The following IL1RAPL2 variants were observed in gnomAD, a reference collection of about 807,000 sequenced individuals.
The protein encoded by IL1RAPL2 is X-linked interleukin-1 receptor accessory protein-like 2.
Under a neutral mutation model 44.1 loss-of-function variants are expected in IL1RAPL2, and 3 were observed. The ratio of observed to expected loss-of-function variants is 0.07; its 90% CI spans 0.03 to 0.18. The LOEUF is 0.18. Among genes scored for constraint, IL1RAPL2 ranks in the 10% least tolerant of loss-of-function variants. IL1RAPL2 has a pLI of 1.00. For missense variants in IL1RAPL2, 391 were observed against 496.4 expected (o/e 0.79, Z 2.02); for synonymous variants, 181 against 178.8 (o/e 1.01, Z -0.10).
At chrX:105,343,880 C>CTTTTTTTTT (rs755496552) in intron 5 of IL1RAPL2, among the ~76,000 whole-genome samples, 3 of 100,440 alleles carry the variant, frequency 3.0e-5, no homozygotes, top group African/African-American at 7.3e-5. Flanking sequence ...TCAAAGTTTT[C>CTTTTTTTTT]TTTTTTTTTT....
At chrX:104,679,091 A>C (rs1930845159) in intron 2 of IL1RAPL2, among the ~76,000 whole-genome samples, 1 of 111,993 alleles carries the variant, frequency 8.9e-6, no homozygotes, top group South Asian at 3.8e-4. Context: ...AATGTCATAA[A>C]AATGTAAACT....
At chrX:105,456,743 T>G (rs1480951703) in intron 5 of IL1RAPL2, among the ~76,000 whole-genome samples, 2 of 111,301 alleles carry the variant, frequency 1.8e-5, no homozygotes, top group East Asian at 5.6e-4. Flanking sequence ...CATCTATTGA[T>G]ATGTTGTATG....
At chrX:104,771,149 C>T (rs907551972) in intron 2 of IL1RAPL2, among the ~76,000 whole-genome samples, 1 of 112,035 alleles carries the variant, frequency 8.9e-6, no homozygotes, top group African/African-American at 3.2e-5. Context: ...AATGCTGCAA[C>T]CTGAAGGAAC....
chrX:105,532,294 T>G (rs1401205750), intron 6 of IL1RAPL2, among the ~76,000 whole-genome samples: 1 of 111,701 alleles, frequency 9.0e-6, no homozygotes, highest in East Asian at 2.8e-4. Flanking sequence ...TGCACCTCCC[T>G]TCACCCAAAG....
At chrX:105,625,870 A>G (rs1239647845) in intron 6 of IL1RAPL2, among the ~76,000 whole-genome samples, 1 of 112,080 alleles carries the variant, frequency 8.9e-6, no homozygotes, top group Non-Finnish European at 1.9e-5. Flanking sequence ...AAAACTGCCT[A>G]CATACAAATA....
At chrX:105,080,213 CTTTAG>C (rs1341953710) in intron 2 of IL1RAPL2, among the ~76,000 whole-genome samples, 2 of 111,886 alleles carry the variant, frequency 1.8e-5, no homozygotes, top group African/African-American at 6.5e-5. Flanking sequence ...TGCAGAAGCT[CTTTAG>C]TTTAAATATA....
At chrX:104,742,903 T>A (rs193017717) in intron 2 of IL1RAPL2, among the ~76,000 whole-genome samples, 170 of 111,902 alleles carry the variant, frequency 1.5e-3, no homozygotes, top group Non-Finnish European at 2.6e-3. Flanking sequence ...GGAAGTAACA[T>A]GAGTTGAATT....
chrX:105,464,698 A>G (rs2036116112), intron 5 of IL1RAPL2, among the ~76,000 whole-genome samples: 1 of 111,936 alleles, frequency 8.9e-6, no homozygotes, highest in Admixed American at 9.5e-5. Flanking sequence ...AAATGATTTA[A>G]TCACAAATGT....
intron 2 of IL1RAPL2, among the ~76,000 whole-genome samples, chrX:104,950,111 G>A (rs1196408548): frequency 9.0e-6 from 1 of 111,471 alleles, no homozygotes; most frequent in Non-Finnish European, 1.9e-5. Flanking sequence ...CTCCTGTATT[G>A]GGTGCGTATA....
rs140007196 is a variant in IL1RAPL2 at position 105,725,931 on chromosome X, G to A, written c.902+8435G>A. On this transcript the variant is annotated intron_variant, in intron 7 of 10. Transcript: ENST00000372582. ...TATAAACAGCATAGTTTTACCTAGG[G>A]CCGTCCTTAATTTCTAGTTAACTAA... Among the ~76,000 whole-genome samples, 103 of 111,420 alleles carry A rather than the reference G, an allele frequency of 9.2e-4. No homozygotes were observed. The East Asian group carries it at 0.024, about 26-fold the overall frequency.
At chrX:105,360,771 GTTA>G (rs776477313) in intron 5 of IL1RAPL2, among the ~76,000 whole-genome samples, 16 of 111,217 alleles carry the variant, frequency 1.4e-4, no homozygotes, top group African/African-American at 5.2e-4. Context: ...TTAATGATAT[GTTA>G]TTATAATATT....
chrX:105,233,160 T>A (rs191712964), intron 3 of IL1RAPL2, among the ~76,000 whole-genome samples: 4,308 of 111,072 alleles, frequency 0.039, 192 homozygotes, highest in African/African-American at 0.13. Flanking sequence ...GGCGGGTGCC[T>A]GTAGTTCCAG....
intron 7 of IL1RAPL2, among the ~76,000 whole-genome samples, chrX:105,738,979 A>C (rs1336546530): frequency 9.0e-6 from 1 of 111,093 alleles, no homozygotes; most frequent in Non-Finnish European, 1.9e-5. Context: ...GGCTCAGAGC[A>C]CATTACTGCA....
chrX:105,721,587 C>T (rs946853387), intron 7 of IL1RAPL2, among the ~76,000 whole-genome samples: 8 of 111,383 alleles, frequency 7.2e-5, no homozygotes, highest in African/African-American at 2.6e-4. Flanking sequence ...AAAAGTGAGG[C>T]ACTGCTACTC....
At chrX:105,083,759 G>C (rs758682814) in intron 2 of IL1RAPL2, among the ~76,000 whole-genome samples, 1 of 111,989 alleles carries the variant, frequency 8.9e-6, no homozygotes, top group Non-Finnish European at 1.9e-5. Context: ...TTACAGAAAA[G>C]CAAATGCTGA....
At chrX:104,608,270 C>G in intron 1 of IL1RAPL2, among the ~76,000 whole-genome samples, 1 of 110,732 alleles carries the variant, frequency 9.0e-6, no homozygotes. Context: ...GCAGAAATAC[C>G]TAATGTAAGT....
At chrX:104,965,077 A>G (rs1439445055) in intron 2 of IL1RAPL2, among the ~76,000 whole-genome samples, 3 of 112,104 alleles carry the variant, frequency 2.7e-5, no homozygotes, top group East Asian at 2.8e-4. Flanking sequence ...CTAAGGTAAC[A>G]GTAAACTTGC....
chrX:105,161,090 C>G (rs746703822), intron 2 of IL1RAPL2, among the ~76,000 whole-genome samples: 2 of 110,173 alleles, frequency 1.8e-5, no homozygotes, highest in Admixed American at 9.7e-5. Context: ...AAATAAAAAA[C>G]AATAAGCTGT....
At chrX:105,511,323 T>C (rs1483765346) in intron 6 of IL1RAPL2, among the ~76,000 whole-genome samples, 1 of 111,765 alleles carries the variant, frequency 8.9e-6, no homozygotes, top group Non-Finnish European at 1.9e-5. Context: ...TTTTTACTCA[T>C]TTCATTTCTG....
Sources: gnomAD v4.1 joint callset for allele counts (sites outside exome capture counted in the v4.1 genomes callset) on GRCh38, gnomAD v4.1.1 for gene constraint, MANE v1.5 for transcripts, NCBI Gene and HGNC (gene_info 2026-07-23, HGNC 2026-07-21) for gene names.